PKIB: variants seen among roughly 807,000 people sequenced by gnomAD.
The protein encoded by PKIB is cAMP-dependent protein kinase inhibitor beta.
A neutral mutation model predicts 4.5 loss-of-function variants in PKIB; 2 were observed. That is an observed-to-expected ratio of 0.44 (90% CI 0.18 to 1.39). The LOEUF (loss-of-function observed/expected upper bound fraction) is 1.39, where lower values mean the gene tolerates loss of function less well. Among genes scored for constraint, PKIB ranks in the 40% most tolerant of loss-of-function variants. PKIB has a pLI of 0.27. For missense variants in PKIB, 94 were observed against 92.6 expected (o/e 1.02, Z -0.06); for synonymous variants, 38 against 36.0 (o/e 1.06, Z -0.20).
chr6:122,537,748 GC>G (rs1175989298), intron 2 of PKIB, among the ~76,000 whole-genome samples: 1 of 152,052 alleles, frequency 6.6e-6, no homozygotes, highest in African/African-American at 2.4e-5. Flanking sequence ...CTGAGGAATC[GC>G]CACACTGACT....
intron 2 of PKIB, among the ~76,000 whole-genome samples, chr6:122,636,154 G>A (rs551401210): frequency 1.3e-5 from 2 of 152,166 alleles, no homozygotes; most frequent in East Asian, 3.9e-4. Flanking sequence ...ACAAGGCCAA[G>A]GTCATGAAGC....
chr6:122,477,090 A>C (rs1014445894), intron 1 of PKIB, among the ~76,000 whole-genome samples: 1 of 152,216 alleles, frequency 6.6e-6, no homozygotes, highest in African/African-American at 2.4e-5. Context: ...TATCCAAAAT[A>C]TTTCAATGAC....
At chr6:122,692,476 C>T (rs1197992935) in intron 3 of PKIB, among the ~76,000 whole-genome samples, 1 of 152,232 alleles carries the variant, frequency 6.6e-6, no homozygotes, top group Non-Finnish European at 1.5e-5. Context: ...ACCACCACAG[C>T]CCCATGGGGA....
chr6:122,650,592 A>C (rs1776513665), intron 2 of PKIB, among the ~76,000 whole-genome samples: 3 of 152,096 alleles, frequency 2.0e-5, no homozygotes, highest in Admixed American at 2.0e-4. Flanking sequence ...CTTGTCTTTG[A>C]TGATTAAGGC....
chr6:122,619,568 A>G (rs946716308), intron 1 of PKIB, among the ~76,000 whole-genome samples: 31 of 152,064 alleles, frequency 2.0e-4, no homozygotes, highest in African/African-American at 7.2e-4. Flanking sequence ...GAATGCAGAC[A>G]TGACTGCAGG....
At chr6:122,535,679 C>T (rs1426712810) in intron 2 of PKIB, among the ~76,000 whole-genome samples, 1 of 152,188 alleles carries the variant, frequency 6.6e-6, no homozygotes, top group African/African-American at 2.4e-5. Context: ...GTTAGGCACA[C>T]AGGCTTGAGA....
intron 2 of PKIB, among the ~76,000 whole-genome samples, chr6:122,496,611 A>G (rs1776082926): frequency 6.6e-6 from 1 of 152,222 alleles, no homozygotes; most frequent in South Asian, 2.1e-4. Context: ...AGTAGACTAA[A>G]CCAAAGAGAA....
chr6:122,717,644 C>T lies in PKIB; in HGVS notation c.-8-143C>T. ...GCAAATGGATGCTGCAGGACCGTAA[C>T]AGTAGACATTGATGAAGGTTGTGAT... On this transcript the variant is annotated intron_variant, in intron 3 of 4. Transcript: ENST00000368452. The T allele has an allele frequency of 8.8e-6, 7 of 799,116 alleles. No individual in the cohort carries two copies. The South Asian group carries it at 1.2e-4, about 14-fold the overall frequency. The allele number at this position is 799,116 out of a possible 1,614,324, so 49.5% of individuals were successfully genotyped here. A position where few individuals can be genotyped will look rare whatever the true frequency, so the allele number is the denominator to read the frequency against.
intron 2 of PKIB, among the ~76,000 whole-genome samples, chr6:122,576,703 TATATATA>T (rs1174732506): frequency 2.6e-5 from 3 of 113,528 alleles, no homozygotes; most frequent in African/African-American, 1.1e-4. Context: ...TATATATATA[TATATATA>T]TTTTCTTTTG....
At chr6:122,497,025 C>A (rs1216877910) in intron 2 of PKIB, among the ~76,000 whole-genome samples, 1 of 152,158 alleles carries the variant, frequency 6.6e-6, no homozygotes, top group Non-Finnish European at 1.5e-5. Flanking sequence ...TAAAAGCAGA[C>A]CTTTCAGCAG....
At chr6:122,709,805 A>G (rs1779201393) in intron 3 of PKIB, among the ~76,000 whole-genome samples, 2 of 152,184 alleles carry the variant, frequency 1.3e-5, no homozygotes, top group African/African-American at 4.8e-5. Flanking sequence ...TAAAGTGTCC[A>G]TGTGTATAAC....
rs1389625762 is a variant in PKIB, at chr6:122,630,703, A to G, written c.-160-2580A>G. Among the ~76,000 whole-genome samples, 5 of 152,336 alleles carry G rather than the reference A, an allele frequency of 3.3e-5. No individual in the cohort carries two copies. In the East Asian group the frequency reaches 9.6e-4, roughly 29 times the overall value. ...TTAACTATAATTTTTAAAAAGCACTATTAAAATTACCATTTTCAATCCATC... is the reference window on the plus strand; with the variant it reads ...TTAACTATAATTTTTAAAAAGCACTGTTAAAATTACCATTTTCAATCCATC... On this transcript the variant is annotated intron_variant, in intron 1 of 4. Coordinates refer to ENST00000368452, the MANE Select transcript of PKIB (RefSeq NM_181795.3).
chr6:122,671,748 T>C (rs1777471419), intron 2 of PKIB, among the ~76,000 whole-genome samples: 1 of 152,182 alleles, frequency 6.6e-6, no homozygotes, highest in African/African-American at 2.4e-5. Context: ...TGTATGGCAT[T>C]TACATGTTAT....
At chr6:122,486,016 A>G (rs1775756435) in intron 2 of PKIB, among the ~76,000 whole-genome samples, 1 of 152,214 alleles carries the variant, frequency 6.6e-6, no homozygotes, top group African/African-American at 2.4e-5. Flanking sequence ...ATATTCATAG[A>G]CACATACACA....
At chr6:122,710,364 C>CCACAAGAACTTCAAAATCACATTGTA (rs1387438397) in intron 3 of PKIB, among the ~76,000 whole-genome samples, 30 of 152,242 alleles carry the variant, frequency 2.0e-4, no homozygotes, top group East Asian at 5.8e-4. Context: ...TACAAGCAGA[C>CCACAAGAACTTCAAAATCACATTGTA]CACAAGAACT....
chr6:122,624,916 C>T (rs1049547331), intron 1 of PKIB, among the ~76,000 whole-genome samples: 1 of 152,140 alleles, frequency 6.6e-6, no homozygotes, highest in Non-Finnish European at 1.5e-5. Flanking sequence ...GTCAAAATCC[C>T]TTTATCTCCT....
intron 2 of PKIB, among the ~76,000 whole-genome samples, chr6:122,548,028 G>A (rs977531087): frequency 6.6e-6 from 1 of 152,078 alleles, no homozygotes; most frequent in Non-Finnish European, 1.5e-5. Flanking sequence ...TAAACTTTGG[G>A]TACATAGGCT....
intron 2 of PKIB, among the ~76,000 whole-genome samples, chr6:122,571,654 T>A (rs1332685888): frequency 6.6e-6 from 1 of 152,196 alleles, no homozygotes; most frequent in Non-Finnish European, 1.5e-5. Flanking sequence ...GCTTCATAAA[T>A]GGAGAGATAA....
chr6:122,521,143 A>G (rs902927765), intron 2 of PKIB, among the ~76,000 whole-genome samples: 3 of 152,182 alleles, frequency 2.0e-5, no homozygotes, highest in African/African-American at 7.2e-5. Flanking sequence ...TTTGCTGAGC[A>G]TACCTCTCAT....
Sources: gnomAD v4.1 joint callset for allele counts (sites outside exome capture counted in the v4.1 genomes callset) on GRCh38, gnomAD v4.1.1 for gene constraint, MANE v1.5 for transcripts, NCBI Gene and HGNC (gene_info 2026-07-23, HGNC 2026-07-21) for gene names.